Variants in SEC62 observed in about 807,000 individuals in gnomAD.
The protein encoded by SEC62 is SEC62 preprotein translocation factor, also known as translocation protein SEC62.
Under a neutral mutation model 47.5 loss-of-function variants are expected in SEC62, and 10 were observed. The observed-to-expected ratio is 0.21, with a 90% CI of 0.13 to 0.36. The LOEUF (loss-of-function observed/expected upper bound fraction) is 0.36. Ranked by LOEUF, SEC62 falls within the 10% of genes least tolerant of loss-of-function variation. The pLI, the probability that SEC62 is intolerant of heterozygous loss-of-function variation, is 1.00. For synonymous variants in SEC62, 136 were observed against 150.5 expected (o/e 0.90, Z 0.71); for missense variants, 327 against 464.1 (o/e 0.70, Z 2.71).
Position 169,969,439 on chromosome 3 carries a change from A to G in SEC62, c.36+2581A>G, listed in dbSNP as rs79303779. 6.1e-3 allele frequency: 2,628 copies of G among 433,856 alleles called. 59 individuals are homozygous for G. The highest frequency in any genetic ancestry group is 0.046 in the African/African-American group (2,263 of 49,322). 26.9% of individuals were successfully genotyped at this position (433,856 alleles called of 1,614,324 possible). A position where few individuals can be genotyped will look rare whatever the true frequency, so the allele number is the denominator to read the frequency against. ...ATATAGATTAACAATGTGCTGCTGC[A>G]TAGTAGAAGTTGATTTACAATCCTG... On this transcript the variant is annotated intron_variant, in intron 1 of 7. Transcript: ENST00000337002.
chr3:169,992,068 G>C lies in SEC62; in HGVS notation c.731-526G>C, dbSNP rs554406328. On this transcript the variant is annotated intron_variant, in intron 7 of 7. Coordinates refer to ENST00000337002, the MANE Select transcript of SEC62 (RefSeq NM_003262.4). The surrounding 1 kb of genome is among the most constrained non-coding windows in gnomAD (Gnocchi z 4.0). ...GCAGCCCTGCTTTTCCTTCTTAAAG[G>C]CTTCCTTCCTAAACACCTTTCATCT... Among the ~76,000 whole-genome samples, 1 of 152,050 alleles carries C rather than the reference G, an allele frequency of 6.6e-6. No homozygotes were observed. Among genetic ancestry groups the C allele is most frequent in the African/African-American group, 2.4e-5 (1 of 41,400 alleles).
In SEC62 at chr3:169,995,603, C is replaced by G. The variant is rs531055860; in HGVS notation, c.*2540C>G. On this transcript the variant is annotated 3_prime_UTR_variant, in exon 8 of 8. Coordinates refer to ENST00000337002, the MANE Select transcript of SEC62 (RefSeq NM_003262.4). ...GTTAGCTGCTGACAAGAAAAGTCAT[C>G]TTGTGTCTTTTGTAAATTGAATTTT... 4.7e-4 allele frequency: 72 copies of G among 152,194 alleles called. No homozygotes were observed. The highest frequency in any genetic ancestry group is 1.6e-3 in the African/African-American group (68 of 41,534). 9.4% of individuals were successfully genotyped at this position (152,194 alleles called of 1,614,324 possible).
Position 169,993,121 on chromosome 3 carries a change from C to T in SEC62, c.*58C>T. ...CAAGAGGTTGGATTTTCTATGTTGG[C>T]TGATTACCATATTGAACACATGGCA... On this transcript the variant is annotated 3_prime_UTR_variant, in exon 8 of 8. Transcript: ENST00000337002. 8.0e-7 allele frequency: 1 copy of T among 1,248,464 alleles called. No individual in the cohort carries two copies. The highest frequency in any genetic ancestry group is 2.5e-5 in the East Asian group (1 of 39,588). The allele number at this position is 1,248,464 out of a possible 1,614,324, so 77.3% of individuals were successfully genotyped here. A position where few individuals can be genotyped will look rare whatever the true frequency, so the allele number is the denominator to read the frequency against.
chr3:169,974,551 T>C (rs868589731), intron 1 of SEC62, among the ~76,000 whole-genome samples: 4 of 152,126 alleles, frequency 2.6e-5, no homozygotes, highest in Non-Finnish European at 5.9e-5. Context: ...GGAAAAGATA[T>C]AGAAGAAAGA....
chr3:169,968,371 CTTATA>C (rs1309119231), intron 1 of SEC62: 1 of 151,946 alleles, frequency 6.6e-6, no homozygotes, highest in Non-Finnish European at 1.5e-5. Context: ...TAGTTGTGAT[CTTATA>C]TTAAACAGAG....
rs2108291753 is a variant in SEC62 at position 169,996,407 on chromosome 3, T to C, written c.*3344T>C. On this transcript the variant is annotated 3_prime_UTR_variant, in exon 8 of 8. Coordinates refer to ENST00000337002, the MANE Select transcript of SEC62 (RefSeq NM_003262.4). ...TCAGTAATACTGAGCACTTACCATG[T>C]ACCAGAATTTTACTAGGCACAACCA... The C allele has an allele frequency of 6.5e-6, 1 of 152,760 alleles. No individual in the cohort carries two copies. Among genetic ancestry groups the C allele is most frequent in the African/African-American group, 2.4e-5 (1 of 41,574 alleles). The allele number at this position is 152,760 out of a possible 1,614,324, so 9.5% of individuals were successfully genotyped here.
chr3:169,967,028 G>C (rs570423840), intron 1 of SEC62, among the ~76,000 whole-genome samples, 170 bp downstream of exon 1: 72 of 152,362 alleles, frequency 4.7e-4, no homozygotes, highest in Admixed American at 3.1e-3. Flanking sequence ...GGGCCTGAGG[G>C]GGGGCGGTGT....
rs557774826 is a variant in SEC62, at chr3:169,983,517, T to C, written c.549+264T>C. 1.9e-4 allele frequency: 46 copies of C among 245,764 alleles called. No homozygotes were observed. In the South Asian group the frequency reaches 2.7e-3, roughly 14 times the overall value. The allele number at this position is 245,764 out of a possible 1,614,324, so 15.2% of individuals were successfully genotyped here. On this transcript the variant is annotated intron_variant, in intron 5 of 7. Coordinates refer to ENST00000337002, the MANE Select transcript of SEC62 (RefSeq NM_003262.4). ...ATTTCTTTTTTATCAGTGAAATCTG[T>C]AGGTAAGCTGTACAGATACGTCAGC... is the stretch of plus-strand genomic sequence containing the variant.
intron 7 of SEC62, among the ~76,000 whole-genome samples, chr3:169,991,315 G>A (rs1167142820): frequency 6.6e-6 from 1 of 152,072 alleles, no homozygotes; most frequent in Non-Finnish European, 1.5e-5. Context: ...CCAACTACTC[G>A]GGAGGCTGAG....
chr3:169,992,607 A>G lies in SEC62; in HGVS notation c.744A>G (p.Leu248=), dbSNP rs146747638. The change falls in exon 8 of 8, where the codon CTA becomes CTG. Residue 248 remains leucine (L), a synonymous_variant. Coordinates refer to ENST00000337002, the MANE Select transcript of SEC62 (RefSeq NM_003262.4). The surrounding 1 kb of genome is among the most constrained non-coding windows in gnomAD (Gnocchi z 4.0). Reference sequence around the variant, plus strand: ...TTCTCCCCACAGCTCGATGCATTCTATTTCTCATCATTTGGCTCATAACTG... The same window carrying G: ...TTCTCCCCACAGCTCGATGCATTCTGTTTCTCATCATTTGGCTCATAACTG... ...ILLLAVARCI[L]FLIIWLITGG... 88 of 1,612,600 alleles carry G rather than the reference A, an allele frequency of 5.5e-5. No homozygotes were observed. The highest frequency in any genetic ancestry group is 1.6e-4 in the Middle Eastern group (1 of 6,074).
intron 1 of SEC62, among the ~76,000 whole-genome samples, chr3:169,968,953 T>C (rs531123679): frequency 6.6e-6 from 1 of 152,202 alleles, no homozygotes; most frequent in Admixed American, 6.5e-5. Context: ...AACACACTTA[T>C]GAAAATATAC....
Position 169,996,631 on chromosome 3 carries a change from G to A in SEC62, c.*3568G>A, listed in dbSNP as rs1715382898. On this transcript the variant is annotated 3_prime_UTR_variant, in exon 8 of 8. Transcript: ENST00000337002. The stretch of plus-strand genomic sequence containing the variant: ...AGTGGGTTTGGCCAAGGAGTGTCCT[G>A]GCCAGAGATCAGAGGATGGTAGGGT... 6.6e-6 allele frequency: 1 copy of A among 152,220 alleles called. No homozygotes were observed. Among genetic ancestry groups the A allele is most frequent in the African/African-American group, 2.4e-5 (1 of 41,412 alleles). 9.4% of individuals were successfully genotyped at this position (152,220 alleles called of 1,614,324 possible). A position where few individuals can be genotyped will look rare whatever the true frequency, so the allele number is the denominator to read the frequency against.
intron 1 of SEC62, among the ~76,000 whole-genome samples, chr3:169,974,994 C>T (rs751142506): frequency 5.9e-5 from 9 of 152,114 alleles, no homozygotes; most frequent in Non-Finnish European, 1.2e-4. Flanking sequence ...TAAAAAGAGA[C>T]TATAGGCCGG....
chr3:169,992,792 A>AG lies in SEC62; in HGVS notation c.931dup (p.Glu311GlyfsTer6). ...AAAAAGCAACAGAAGTCCGACAGTGAGGAAAAGTCAGACAGTGAGAAAAAG... is the reference window on the plus strand; with the variant it reads ...AAAAAGCAACAGAAGTCCGACAGTGAGGGAAAAGTCAGACAGTGAGAAAAAG... On this transcript the variant is annotated frameshift_variant, in exon 8 of 8. Transcript: ENST00000337002. LOFTEE classifies it high-confidence loss of function. This position sits in a 1 kb window ranked among gnomAD's most constrained non-coding sequence, Gnocchi z 4.0. 6.2e-7 allele frequency: 1 copy of AG among 1,614,184 alleles called. No homozygotes were observed. Among genetic ancestry groups the AG allele is most frequent in the Non-Finnish European group, 8.5e-7 (1 of 1,180,038 alleles).
Position 169,992,840 on chromosome 3 carries a change from G to A in SEC62, c.977G>A (p.Gly326Glu), listed in dbSNP as rs2108289726. Residue 326 changes from glycine to glutamate, a missense_variant, in exon 8 of 8, where the codon GGA becomes GAA. Around this residue, in one of 3 missense-constraint regions of SEC62, gnomAD observed 102 missense variants for 108.8 expected, o/e 0.94. Transcript: ENST00000337002. This position sits in a 1 kb window ranked among gnomAD's most constrained non-coding sequence, Gnocchi z 4.0. ...EKKEDEEGKV[G>E]PGNHGTEGSG... ...AAGGAAGATGAGGAGGGGAAAGTAG[G>A]ACCAGGAAATCATGGAACAGAAGGC... 6.2e-7 allele frequency: 1 copy of A among 1,614,042 alleles called. No individual in the cohort carries two copies. Among genetic ancestry groups the A allele is most frequent in the East Asian group, 2.2e-5 (1 of 44,882 alleles).
Position 169,993,301 on chromosome 3 carries a change from C to T in SEC62, c.*238C>T. The T allele has an allele frequency of 2.6e-6, 1 of 379,610 alleles. No individual in the cohort carries two copies. The highest frequency in any genetic ancestry group is 4.7e-6 in the Non-Finnish European group (1 of 212,358). 23.5% of individuals were successfully genotyped at this position (379,610 alleles called of 1,614,324 possible). On this transcript the variant is annotated 3_prime_UTR_variant, in exon 8 of 8. Coordinates refer to ENST00000337002, the MANE Select transcript of SEC62 (RefSeq NM_003262.4). Reference sequence around the variant, plus strand: ...TTTGATAATTTTACAGTAAGTAGGTCTCATTCATTTTGACAGTTATCAAAG... The same window carrying T: ...TTTGATAATTTTACAGTAAGTAGGTTTCATTCATTTTGACAGTTATCAAAG...
At chr3:169,991,942 A>G (rs537385717) in intron 7 of SEC62, among the ~76,000 whole-genome samples, 3 of 152,366 alleles carry the variant, frequency 2.0e-5, no homozygotes, top group South Asian at 4.1e-4. Flanking sequence ...AGATGTACAG[A>G]AAATATAGTC....
At position 169,993,963 on chromosome 3, in the gene SEC62, T is replaced by C. The variant is rs1461557209; in HGVS notation, c.*900T>C. 1 of 152,654 alleles carries C rather than the reference T, an allele frequency of 6.6e-6. No homozygotes were observed. The highest frequency in any genetic ancestry group is 1.5e-5 in the Non-Finnish European group (1 of 68,040). 9.5% of individuals were successfully genotyped at this position (152,654 alleles called of 1,614,324 possible). A position where few individuals can be genotyped will look rare whatever the true frequency, so the allele number is the denominator to read the frequency against. ...TCTTTCTACAGCAGCTTCAGTTTTGTGCCAACATTCCATGTATTTTGAATA... is the reference window on the plus strand; with the variant it reads ...TCTTTCTACAGCAGCTTCAGTTTTGCGCCAACATTCCATGTATTTTGAATA... On this transcript the variant is annotated 3_prime_UTR_variant, in exon 8 of 8. Transcript: ENST00000337002.
At chr3:169,991,202 T>C (rs1367848206) in intron 7 of SEC62, among the ~76,000 whole-genome samples, 2 of 152,232 alleles carry the variant, frequency 1.3e-5, no homozygotes, top group African/African-American at 4.8e-5. Context: ...ATTAACATTG[T>C]ATTTTTCCTA....
Sources: allele counts gnomAD v4.1 joint callset (sites outside exome capture counted in the v4.1 genomes callset), GRCh38; gene constraint gnomAD v4.1.1; regional missense constraint gnomAD v4.1.1; non-coding constraint Gnocchi (gnomAD v3.1); transcripts MANE v1.5; gene names NCBI Gene and HGNC (gene_info 2026-07-23, HGNC 2026-07-21).